RIMKLB: variants seen among roughly 807,000 people sequenced by gnomAD.
The protein encoded by RIMKLB is beta-citrylglutamate synthase B.
RIMKLB carries 7 observed loss-of-function variants against 32.0 expected under a neutral mutation model. The ratio of observed to expected loss-of-function variants is 0.22; its 90% confidence interval spans 0.12 to 0.41. RIMKLB has a LOEUF of 0.41. Among genes scored for constraint, RIMKLB ranks in the 10% least tolerant of loss-of-function variants. The pLI, the probability that RIMKLB is intolerant of heterozygous loss-of-function variation, is 1.00. For synonymous variants in RIMKLB, 172 were observed against 185.1 expected, an observed-to-expected ratio of 0.93 and a Z score of 0.57; for missense variants, 289 against 498.7, an observed-to-expected ratio of 0.58 and a Z score of 4.00.
chr12:8,716,327 G>C (rs1157777618), intron 2 of RIMKLB, among the ~76,000 whole-genome samples: 2 of 151,904 alleles, frequency 1.3e-5, no homozygotes, highest in Non-Finnish European at 2.9e-5. Context: ...CTATCACAGT[G>C]GAACTTGCTT....
intron 2 of RIMKLB, among the ~76,000 whole-genome samples, chr12:8,722,452 A>G (rs1945545628): frequency 6.6e-6 from 1 of 152,158 alleles, no homozygotes; most frequent in Non-Finnish European, 1.5e-5. Context: ...ATGTGCTGTC[A>G]TTCAGGTTTT....
chr12:8,682,262 C>G (rs916498075), intron 1 of RIMKLB, among the ~76,000 whole-genome samples: 1 of 152,182 alleles, frequency 6.6e-6, no homozygotes, highest in African/African-American at 2.4e-5. Context: ...CCTCCAGAGT[C>G]TTGTCGTCGA....
intron 1 of RIMKLB, among the ~76,000 whole-genome samples, chr12:8,691,746 C>CT (rs1942739578): frequency 6.6e-6 from 1 of 152,212 alleles, no homozygotes; most frequent in East Asian, 1.9e-4. Context: ...GCTCCCCAGT[C>CT]TAAGTCTTTC....
chr12:8,727,475 A>G (rs1946135230), intron 2 of RIMKLB, among the ~76,000 whole-genome samples: 1 of 152,172 alleles, frequency 6.6e-6, no homozygotes, highest in South Asian at 2.1e-4. Context: ...AACCTCAGGT[A>G]ATCCACCCGC....
At chr12:8,668,875 T>C in the RIMKLB span, 7 of 152,254 alleles carry the variant, frequency 4.6e-5, no homozygotes, top group African/African-American at 1.7e-4. Context: ...AACAGAAACG[T>C]TGGGAAAATA....
intron 2 of RIMKLB, among the ~76,000 whole-genome samples, chr12:8,733,088 G>C (rs992206506): frequency 6.6e-6 from 1 of 152,020 alleles, no homozygotes; most frequent in African/African-American, 2.4e-5. Context: ...CAGTTGTATA[G>C]AATTGTGATT....
intron 2 of RIMKLB, among the ~76,000 whole-genome samples, chr12:8,724,577 G>C (rs768101699): frequency 3.9e-5 from 6 of 152,328 alleles, no homozygotes; most frequent in African/African-American, 1.4e-4. Context: ...TCTGTATGGT[G>C]TGGTGTCTGA....
At chr12:8,697,522 A>G (rs1222257697), upstream of RIMKLB, among the ~76,000 whole-genome samples, 1 of 151,684 alleles carries the variant, frequency 6.6e-6, no homozygotes, top group Non-Finnish European at 1.5e-5. Flanking sequence ...TAAGCAGGGA[A>G]TGTGAGGGCG....
chr12:8,693,762 CAT>C (rs780848308), upstream of RIMKLB, among the ~76,000 whole-genome samples: 254 of 152,270 alleles, frequency 1.7e-3, no homozygotes, highest in African/African-American at 5.4e-3. Context: ...GGCTAGATAA[CAT>C]GTGTATTTCA....
intron 5 of RIMKLB, 65 bp downstream of exon 5, chr12:8,754,158 C>A: frequency 8.3e-7 from 1 of 1,204,200 alleles, no homozygotes; most frequent in South Asian, 1.2e-5. Flanking sequence ...AGTGAGTATT[C>A]ATATGTATGT....
chr12:8,674,802 A>G, the RIMKLB span, among the ~76,000 whole-genome samples: 5 of 148,346 alleles, frequency 3.4e-5, no homozygotes, highest in Non-Finnish European at 7.4e-5. Context: ...TGCCCACCTC[A>G]GCCTTTCAAA....
chr12:8,713,333 C>T (rs1161961623), intron 1 of RIMKLB, among the ~76,000 whole-genome samples: 1 of 151,654 alleles, frequency 6.6e-6, no homozygotes, highest in African/African-American at 2.4e-5. Context: ...ATAACAAAAC[C>T]AGGGAAGAAA....
At chr12:8,753,302 T>A (rs548227329) in intron 4 of RIMKLB, among the ~76,000 whole-genome samples, 1 of 152,162 alleles carries the variant, frequency 6.6e-6, no homozygotes, top group Non-Finnish European at 1.5e-5. Context: ...TTCTCTTGTT[T>A]GGAGCAATCA....
At chr12:8,717,528 G>A (rs1052686792) in intron 2 of RIMKLB, among the ~76,000 whole-genome samples, 1 of 151,536 alleles carries the variant, frequency 6.6e-6, no homozygotes. Context: ...TCCAATATTA[G>A]TCTTTTCTAT....
chr12:8,729,277 A>C (rs112609809), intron 2 of RIMKLB, among the ~76,000 whole-genome samples: 3,759 of 151,818 alleles, frequency 0.025, 147 homozygotes, highest in African/African-American at 0.085. Context: ...AAGTGAATTG[A>C]GGGTGGTAAA....
intron 2 of RIMKLB, among the ~76,000 whole-genome samples, chr12:8,742,050 G>A (rs1257220452): frequency 6.6e-6 from 1 of 151,044 alleles, no homozygotes; most frequent in African/African-American, 2.5e-5. Flanking sequence ...ACAGGCATGC[G>A]CCACCATGCC....
the RIMKLB span, among the ~76,000 whole-genome samples, chr12:8,673,171 C>T: frequency 1.3e-5 from 2 of 152,090 alleles, no homozygotes; most frequent in Non-Finnish European, 2.9e-5. Context: ...CCTGAGCCAC[C>T]ATGCCTGGCC....
chr12:8,744,226 C>A (rs745466757), intron 2 of RIMKLB, among the ~76,000 whole-genome samples: 1 of 152,028 alleles, frequency 6.6e-6, no homozygotes, highest in African/African-American at 2.4e-5. Context: ...ATTCATCTTT[C>A]CAGCCTTGGA....
downstream of RIMKLB, among the ~76,000 whole-genome samples, chr12:8,781,881 T>G (rs1463753569): frequency 6.6e-6 from 1 of 152,242 alleles, no homozygotes; most frequent in Non-Finnish European, 1.5e-5. Flanking sequence ...ATTAAATTTA[T>G]AAGATGCAGA....
Sources: gnomAD v4.1 joint callset for allele counts (sites outside exome capture counted in the v4.1 genomes callset) on GRCh38, gnomAD v4.1.1 for gene constraint, MANE v1.5 for transcripts, NCBI Gene and HGNC (gene_info 2026-07-23, HGNC 2026-07-21) for gene names.